Variants in RBFOX1 observed in about 807,000 individuals in gnomAD.
The protein encoded by RBFOX1 is RNA binding fox-1 homolog 1.
In RBFOX1, 8 loss-of-function variants were observed where a neutral mutation model predicts 57.7. The observed-to-expected ratio is 0.14, with a 90% confidence interval of 0.08 to 0.25. The LOEUF is 0.25. Ranked by LOEUF, RBFOX1 falls within the 10% of genes least tolerant of loss-of-function variation. The probability of loss-of-function intolerance (pLI) is 1.00; values close to 1 mark genes in which losing one functional copy is unlikely to be tolerated. For synonymous variants in RBFOX1, 326 were observed against 222.4 expected, an observed-to-expected ratio of 1.47 and a Z score of -4.15; for missense variants, 611 against 548.5, an observed-to-expected ratio of 1.11 and a Z score of -1.14.
At chr16:5,668,771 T>C (rs911279214) in intron 3 of RBFOX1, among the ~76,000 whole-genome samples, 3 of 152,198 alleles carry the variant, frequency 2.0e-5, no homozygotes, top group Admixed American at 6.5e-5. Context: ...TGGTCTAACA[T>C]ATGAGGTCAT....
chr16:6,963,853 C>A, intron 3 of RBFOX1, among the ~76,000 whole-genome samples: 1 of 151,668 alleles, frequency 6.6e-6, no homozygotes, highest in East Asian at 1.9e-4. Flanking sequence ...CGCACACCAC[C>A]ACGCCTGGCT....
chr16:6,605,874 T>G (rs941161256), intron 2 of RBFOX1, among the ~76,000 whole-genome samples: 2 of 151,520 alleles, frequency 1.3e-5, no homozygotes, highest in Non-Finnish European at 3.0e-5. Context: ...CTGAGGCGGG[T>G]GGATCACTTG....
At chr16:6,012,652 G>T (rs1429489588) in intron 4 of RBFOX1, among the ~76,000 whole-genome samples, 3 of 152,202 alleles carry the variant, frequency 2.0e-5, no homozygotes, top group Non-Finnish European at 4.4e-5. Flanking sequence ...TCATCTCATG[G>T]AACAGGGAAT....
chr16:6,789,758 T>C (rs1237212728), intron 3 of RBFOX1, among the ~76,000 whole-genome samples: 6 of 152,172 alleles, frequency 3.9e-5, no homozygotes. Flanking sequence ...TAGTAGTCTC[T>C]TAGTTTTTTA....
intron 3 of RBFOX1, among the ~76,000 whole-genome samples, chr16:6,880,309 A>G (rs747513054): frequency 2.0e-5 from 3 of 152,212 alleles, no homozygotes; most frequent in Non-Finnish European, 4.4e-5. Flanking sequence ...TAGACGAGGC[A>G]GCCAGAGAGA....
intron 4 of RBFOX1, among the ~76,000 whole-genome samples, chr16:7,237,673 C>T (rs749159542): frequency 9.2e-5 from 14 of 152,260 alleles, no homozygotes; most frequent in East Asian, 1.9e-4. Context: ...ATAAACAAAA[C>T]GTGGTGTATA....
chr16:6,710,860 A>C (rs1335463498), intron 3 of RBFOX1, among the ~76,000 whole-genome samples: 1 of 152,194 alleles, frequency 6.6e-6, no homozygotes, highest in Non-Finnish European at 1.5e-5. Flanking sequence ...GAAAAGGAGG[A>C]AAGGGACAGG....
At chr16:5,573,113 G>A (rs1339108084) in intron 2 of RBFOX1, among the ~76,000 whole-genome samples, 1 of 152,170 alleles carries the variant, frequency 6.6e-6, no homozygotes, top group Admixed American at 6.5e-5. Context: ...TGGAGATGAC[G>A]AGAATTGGGA....
chr16:7,473,026 A>C (rs1477900707), intron 4 of RBFOX1, among the ~76,000 whole-genome samples: 1 of 152,130 alleles, frequency 6.6e-6, no homozygotes, highest in African/African-American at 2.4e-5. Flanking sequence ...CCTTATATTC[A>C]AAAAGCAGAA....
intron 4 of RBFOX1, among the ~76,000 whole-genome samples, chr16:7,476,974 G>T (rs576803461): frequency 1.3e-5 from 2 of 152,250 alleles, no homozygotes; most frequent in South Asian, 4.1e-4. Context: ...AATTGCATTG[G>T]TGTGGAGTCC....
intron 4 of RBFOX1, among the ~76,000 whole-genome samples, chr16:7,082,472 C>T (rs1368764709): frequency 6.6e-6 from 1 of 151,396 alleles, no homozygotes; most frequent in Non-Finnish European, 1.5e-5. Context: ...GTCCCAGCTA[C>T]TTGGGAGGCT....
chr16:7,359,994 A>C (rs925679825), intron 4 of RBFOX1, among the ~76,000 whole-genome samples: 1 of 150,466 alleles, frequency 6.6e-6, no homozygotes, highest in Non-Finnish European at 1.5e-5. Context: ...AAAAAAAAAC[A>C]AAAAACAAAC....
At chr16:7,260,689 C>G (rs1291024128) in intron 4 of RBFOX1, among the ~76,000 whole-genome samples, 1 of 151,240 alleles carries the variant, frequency 6.6e-6, no homozygotes, top group Non-Finnish European at 1.5e-5. Flanking sequence ...CTCTAATGTT[C>G]TAATGAGAAT....
chr16:5,559,994 A>G (rs919640215), intron 2 of RBFOX1, among the ~76,000 whole-genome samples: 1 of 152,152 alleles, frequency 6.6e-6, no homozygotes, highest in Admixed American at 6.5e-5. Flanking sequence ...CGTCTCCCTA[A>G]CCAGCATGAA....
At chr16:6,508,796 A>G (rs566782141) in intron 2 of RBFOX1, among the ~76,000 whole-genome samples, 61 of 152,134 alleles carry the variant, frequency 4.0e-4, no homozygotes, top group Non-Finnish European at 7.2e-4. Context: ...GAAATTTGCC[A>G]TTTATATTAG....
chr16:5,528,582 C>T (rs577270262), intron 2 of RBFOX1, among the ~76,000 whole-genome samples: 15 of 146,518 alleles, frequency 1.0e-4, no homozygotes, highest in East Asian at 2.0e-4. Flanking sequence ...TCTTCTTGTC[C>T]GATCCCCAAT....
chr16:7,578,383 A>G (rs1020280289), intron 5 of RBFOX1, among the ~76,000 whole-genome samples: 4 of 152,240 alleles, frequency 2.6e-5, no homozygotes, highest in African/African-American at 9.6e-5. Context: ...TTTTGATACC[A>G]GAGCATCTTG....
intron 1 of RBFOX1, among the ~76,000 whole-genome samples, chr16:5,279,324 C>T (rs1852672): frequency 0.32 from 48,830 of 151,324 alleles, 7,904 homozygotes; most frequent in Non-Finnish European, 0.33. Flanking sequence ...TTTTCCCATC[C>T]TTGGGTAAGT....
At chr16:5,264,718 G>A (rs1352686679) in intron 1 of RBFOX1, among the ~76,000 whole-genome samples, 20 of 152,120 alleles carry the variant, frequency 1.3e-4, no homozygotes, top group Admixed American at 1.2e-3. Context: ...TAGGCTGGGG[G>A]CAGAGGTGCA....
Sources: allele counts gnomAD v4.1 joint callset (sites outside exome capture counted in the v4.1 genomes callset), GRCh38; gene constraint gnomAD v4.1.1; transcripts MANE v1.5; gene names NCBI Gene and HGNC (gene_info 2026-07-23, HGNC 2026-07-21).